The following FTSJ3 variants were observed in gnomAD, a reference collection of about 807,000 sequenced individuals.
FTSJ3 encodes the protein pre-rRNA 2'-O-ribose RNA methyltransferase FTSJ3.
In FTSJ3, 46 loss-of-function variants were observed where a neutral mutation model predicts 111.5. The observed-to-expected ratio is 0.41, with a 90% CI of 0.33 to 0.53. FTSJ3 has a LOEUF of 0.53. Ranked by LOEUF, FTSJ3 falls within the 20% of genes least tolerant of loss-of-function variation. The pLI, the probability that FTSJ3 is intolerant of heterozygous loss-of-function variation, is 0.19. For missense variants in FTSJ3, 1,075 were observed against 1,063.8 expected (o/e 1.01, Z -0.15); for synonymous variants, 408 against 383.0 (o/e 1.07, Z -0.76).
intron 13 of FTSJ3, among the ~76,000 whole-genome samples, chr17:63,823,316 C>G (rs912671571): frequency 6.6e-6 from 1 of 152,184 alleles, no homozygotes; most frequent in African/African-American, 2.4e-5. Flanking sequence ...AATCTATCAG[C>G]CGGGCGCGGT....
In FTSJ3 at chr17:63,825,292, T is replaced by G; in HGVS notation, c.545A>C (p.Lys182Thr). Residue 182 changes from lysine to threonine, a missense_variant, in exon 7 of 21, where the codon AAG becomes ACG. Around this residue, in one of 2 missense-constraint regions of FTSJ3, gnomAD observed 208 missense variants for 266.9 expected, o/e 0.78. Coordinates refer to ENST00000427159, the MANE Select transcript of FTSJ3 (RefSeq NM_017647.4). Reference protein sequence around the residue: ...QQLFRRVQATKPQASRHESAE... With the variant: ...QQLFRRVQATTPQASRHESAE... The stretch of plus-strand genomic sequence containing the variant: ...AGATTCATGGCGAGAGGCTTGGGGC[T>G]TGGTGGCCTGGACACGGCGGAACAG... 6.2e-7 allele frequency: 1 copy of G among 1,614,152 alleles called. No individual in the cohort carries two copies. Among genetic ancestry groups the G allele is most frequent in the Non-Finnish European group, 8.5e-7 (1 of 1,180,014 alleles).
In FTSJ3 at chr17:63,819,918, T is replaced by C. The variant is rs1243816525; in HGVS notation, c.2428A>G (p.Lys810Glu). Residue 810 changes from lysine (K) to glutamate (E), a missense_variant, in exon 21 of 21, where the codon AAA (lysine) becomes GAA (glutamate). Lys to Glu is a moderately conservative substitution (Grantham distance 56). Coordinates refer to ENST00000427159, the MANE Select transcript of FTSJ3 (RefSeq NM_017647.4). ...YVVAKKGVGR[K>E]VRRPAGVRGH... ...CTGACTCCAGCTGGCCGGCGCACTTTGCGGCCCACACCTTTTTTGGCTACA... is the reference window on the plus strand; with the variant it reads ...CTGACTCCAGCTGGCCGGCGCACTTCGCGGCCCACACCTTTTTTGGCTACA... 2.5e-6 allele frequency: 4 copies of C among 1,614,054 alleles called. No individual in the cohort carries two copies. The African/African-American group carries it at 4.0e-5, about 16-fold the overall frequency.
At position 63,823,563 on chromosome 17, in the gene FTSJ3, C is replaced by G. The variant is rs1197571213; in HGVS notation, c.1290+254G>C. The G allele has an allele frequency of 7.8e-6, 3 of 385,872 alleles. No individual in the cohort carries two copies. In the Admixed American group the frequency reaches 1.3e-4, roughly 16 times the overall value. The allele number at this position is 385,872 out of a possible 1,614,324, so 23.9% of individuals were successfully genotyped here. On this transcript the variant is annotated intron_variant, in intron 13 of 20. Coordinates refer to ENST00000427159, the MANE Select transcript of FTSJ3 (RefSeq NM_017647.4). ...TGGGCCGAGATCGTGCCACTGCACTCCAGCCTGGGCAACAGAGCAAGACTC... is the reference window on the plus strand; with the variant it reads ...TGGGCCGAGATCGTGCCACTGCACTGCAGCCTGGGCAACAGAGCAAGACTC...
chr17:63,825,234 A>C lies in FTSJ3; in HGVS notation c.595+8T>G. The C allele has an allele frequency of 6.2e-7, 1 of 1,614,126 alleles. No individual in the cohort carries two copies. ...AGCCTGGATCAAGAGAAAGGAAATG[A>C]TGCCCACCTTGGCAGACTACAAAGA... is the stretch of plus-strand genomic sequence containing the variant. On this transcript the variant is annotated splice_region_variant and intron_variant, in intron 7 of 20. Transcript: ENST00000427159.
In FTSJ3 at chr17:63,820,365, G is replaced by A. The variant is rs1838435773; in HGVS notation, c.2146C>T (p.Gln716Ter). 1 of 1,614,012 alleles carries A rather than the reference G, an allele frequency of 6.2e-7. No individual in the cohort carries two copies. Among genetic ancestry groups the A allele is most frequent in the African/African-American group, 1.3e-5 (1 of 74,898 alleles). Residue 716 changes from glutamine (Q) to a stop codon, truncating the protein, a stop_gained, in exon 19 of 21, where the codon CAG becomes TAG. Coordinates refer to ENST00000427159, the MANE Select transcript of FTSJ3 (RefSeq NM_017647.4). LOFTEE classifies it high-confidence loss of function. ...VQEEKQHRIR[Q>*]LPVGKKEVEH... ...ACCTCCTTCTTACCAACAGGCAACT[G>A]TCGTATCCGGTGCTGCTTTTCCTCT...
chr17:63,826,199 G>A (rs2144611381), intron 4 of FTSJ3, 59 bp downstream of exon 4: 2 of 1,608,758 alleles, frequency 1.2e-6, no homozygotes, highest in Non-Finnish European at 1.7e-6. Flanking sequence ...AGAAATACAG[G>A]ACAAAATACC....
intron 13 of FTSJ3, among the ~76,000 whole-genome samples, chr17:63,823,409 C>G (rs891455811): frequency 1.3e-5 from 2 of 152,162 alleles, no homozygotes; most frequent in Admixed American, 1.3e-4. Flanking sequence ...TCCTGGCTAA[C>G]ACGGTGAAAC....
rs370048101 is a variant in FTSJ3 at position 63,821,343 on chromosome 17, C to T, written c.1886+11G>A. On this transcript the variant is annotated intron_variant, in intron 16 of 20. Transcript: ENST00000427159. Reference sequence around the variant, plus strand: ...TCCTTTCCATCCCTTCTCTCAGCTGCAACTACTCACCTCTCTTCTTCCTCA... The same window carrying T: ...TCCTTTCCATCCCTTCTCTCAGCTGTAACTACTCACCTCTCTTCTTCCTCA... 1 of 1,593,538 alleles carries T rather than the reference C, an allele frequency of 6.3e-7. No individual in the cohort carries two copies. Among genetic ancestry groups the T allele is most frequent in the Non-Finnish European group, 8.6e-7 (1 of 1,169,250 alleles).
rs768663581 is a variant in FTSJ3, at chr17:63,824,344, C to T, written c.985G>A (p.Ala329Thr). The T allele has an allele frequency of 1.9e-6, 3 of 1,614,220 alleles. No individual in the cohort carries two copies. In the South Asian group the frequency reaches 3.3e-5, roughly 18 times the overall value. The stretch of plus-strand genomic sequence containing the variant: ...TTCTCTCCTCACCTGATGTCCAGTG[C>T]CTTTGCTTGTTCTTTCAGCTTCTTG... ...VAKKLKEQAK[A>T]LDISLSSGEE... is the part of the protein sequence containing the mutation. The change falls in exon 11 of 21, where the codon GCA becomes ACA. Residue 329 changes from alanine to threonine, a missense_variant. By Grantham distance (58) the Ala-to-Thr change is moderately conservative (BLOSUM62 0). Transcript: ENST00000427159.
In FTSJ3 at chr17:63,819,702, T is replaced by C. The variant is rs755880819; in HGVS notation, c.*100A>G. Reference sequence around the variant, plus strand: ...CTCACTGTTCTTCAGACAGCTGTGATGTGAGCAGGGGCTAGGCCGGTAATC... The same window carrying C: ...CTCACTGTTCTTCAGACAGCTGTGACGTGAGCAGGGGCTAGGCCGGTAATC... On this transcript the variant is annotated 3_prime_UTR_variant, in exon 21 of 21. Transcript: ENST00000427159. 1 of 1,101,420 alleles carries C rather than the reference T, an allele frequency of 9.1e-7. No individual in the cohort carries two copies. Among genetic ancestry groups the C allele is most frequent in the Non-Finnish European group, 1.3e-6 (1 of 764,744 alleles). The allele number at this position is 1,101,420 out of a possible 1,614,324, so 68.2% of individuals were successfully genotyped here.
In FTSJ3 at chr17:63,820,454, ATCTG is replaced by A. The variant is rs2040038784; in HGVS notation, c.2073-20_2073-17del. 1 of 1,612,682 alleles carries A rather than the reference ATCTG, an allele frequency of 6.2e-7. No individual in the cohort carries two copies. Among genetic ancestry groups the A allele is most frequent in the African/African-American group, 1.3e-5 (1 of 74,842 alleles). ...AAATGTGTACCTGAGTGGAAAGGAC[ATCTG>A]TCTAATATCCAACATTCCAGGCTTT... On this transcript the variant is annotated splice_polypyrimidine_tract_variant and intron_variant, in intron 18 of 20. Coordinates refer to ENST00000427159, the MANE Select transcript of FTSJ3 (RefSeq NM_017647.4).
Position 63,824,674 on chromosome 17 carries a change from AG to A in FTSJ3, c.879del (p.Cys294ValfsTer16). On this transcript the variant is annotated frameshift_variant, in exon 10 of 21. Transcript: ENST00000427159. LOFTEE classifies it high-confidence loss of function. Reference protein sequence around the residue: ...HPATTEDIRVCCQDIRVLGRK... With the variant: ...HPATTEDIRVXCQDIRVLGRK... ...CGCCCCAACACTCTGATGTCCTGAC[AG>A]CACACCCGTATGTCCTCAGTGGTAG... 6.2e-7 allele frequency: 1 copy of A among 1,614,156 alleles called. No individual in the cohort carries two copies. Among genetic ancestry groups the A allele is most frequent in the South Asian group, 1.1e-5 (1 of 91,086 alleles).
Position 63,821,634 on chromosome 17 carries a change from C to A in FTSJ3, c.1606G>T (p.Ala536Ser). 5 of 1,613,254 alleles carry A rather than the reference C, an allele frequency of 3.1e-6. No individual in the cohort carries two copies. The highest frequency in any genetic ancestry group is 4.2e-6 in the Non-Finnish European group (5 of 1,179,302). ...ANLWFSKGSF[A>S]GIEDDADEAL... The stretch of plus-strand genomic sequence containing the variant: ...TCATCGGCATCGTCCTCGATCCCAG[C>A]AAAGCTGCCCTGTGATAGGAGAACA... The change falls in exon 16 of 21, where the codon GCT becomes TCT. Residue 536 changes from alanine (A) to serine (S), a missense_variant. Transcript: ENST00000427159.
Position 63,825,442 on chromosome 17 carries a change from G to A in FTSJ3, c.401-6C>T, listed in dbSNP as rs1224003049. 3.7e-6 allele frequency: 6 copies of A among 1,614,094 alleles called. No individual in the cohort carries two copies. The highest frequency in any genetic ancestry group is 2.2e-5 in the South Asian group (2 of 91,068). On this transcript the variant is annotated splice_polypyrimidine_tract_variant and splice_region_variant and intron_variant, in intron 6 of 20. Coordinates refer to ENST00000427159, the MANE Select transcript of FTSJ3 (RefSeq NM_017647.4). ...AGCCATCAGTGTCAAATGGGCTGTA[G>A]GATAGAGACAATTAGTTGACGCACT...
At chr17:63,825,664 CAG>C (rs770822568) in intron 5 of FTSJ3, 29 bp from the exon 6 acceptor site, 12 of 1,581,754 alleles carry the variant, frequency 7.6e-6, no homozygotes, top group African/African-American at 4.0e-5. Context: ...ACTATGGAAA[CAG>C]AAACACTGGA....
At position 63,824,335 on chromosome 17, in the gene FTSJ3, T is replaced by C. The variant is rs758697679; in HGVS notation, c.994A>G (p.Ile332Val). The C allele has an allele frequency of 1.9e-6, 3 of 1,614,256 alleles. No individual in the cohort carries two copies. Among genetic ancestry groups the C allele is most frequent in the Non-Finnish European group, 2.5e-6 (3 of 1,180,048 alleles). Residue 332 changes from isoleucine to valine, a missense_variant, in exon 11 of 21, where the codon ATC becomes GTC. Coordinates refer to ENST00000427159, the MANE Select transcript of FTSJ3 (RefSeq NM_017647.4). ...KLKEQAKALD[I>V]SLSSGEEDEG... ...CTCGCTGCGTTCTCTCCTCACCTGATGTCCAGTGCCTTTGCTTGTTCTTTC... is the reference window on the plus strand; with the variant it reads ...CTCGCTGCGTTCTCTCCTCACCTGACGTCCAGTGCCTTTGCTTGTTCTTTC...
intron 17 of FTSJ3, 38 bp downstream of exon 17, chr17:63,820,992 G>C: frequency 6.2e-7 from 1 of 1,609,544 alleles, no homozygotes; most frequent in Non-Finnish European, 8.5e-7. Context: ...GAGACTTCCA[G>C]TGGTCTTTTC....
intron 18 of FTSJ3, 32 bp from the exon 19 acceptor site, chr17:63,820,470 A>G (rs777102597): frequency 6.2e-6 from 10 of 1,603,414 alleles, no homozygotes; most frequent in Non-Finnish European, 7.7e-6. Context: ...CTAATATCCA[A>G]CATTCCAGGC....
At position 63,821,479 on chromosome 17, in the gene FTSJ3, G is replaced by A. The variant is rs751949705; in HGVS notation, c.1761C>T (p.Tyr587=). 7 of 1,614,052 alleles carry A rather than the reference G, an allele frequency of 4.3e-6. 1 individual carries two copies. Among genetic ancestry groups the A allele is most frequent in the Middle Eastern group, 1.6e-4 (1 of 6,084 alleles). The change falls in exon 16 of 21, where the codon TAC becomes TAT. Residue 587 remains tyrosine, a synonymous_variant. Transcript: ENST00000427159. ...CLKTEIMSPL[Y]QDEAPKGTEA... ...CTGTTCCCTTAGGGGCTTCATCTTG[G>A]TACAGGGGAGACATTATCTCAGTCT...
Sources: allele counts gnomAD v4.1 joint callset (sites outside exome capture counted in the v4.1 genomes callset), GRCh38; gene constraint gnomAD v4.1.1; regional missense constraint gnomAD v4.1.1; transcripts MANE v1.5; gene names NCBI Gene and HGNC (gene_info 2026-07-23, HGNC 2026-07-21).